The following GPHN variants were observed in gnomAD, a reference collection of about 807,000 sequenced individuals.
The protein encoded by GPHN is gephyrin.
In GPHN, 17 loss-of-function variants were observed where a neutral mutation model predicts 95.5. The observed-to-expected ratio is 0.18, with a 90% CI of 0.12 to 0.27. GPHN has a LOEUF of 0.27. GPHN is among the 10% of genes least tolerant of loss of function. GPHN has a pLI of 1.00. For synonymous variants in GPHN, 320 were observed against 322.5 expected (o/e 0.99, Z 0.08); for missense variants, 660 against 978.1 (o/e 0.67, Z 4.34).
chr14:67,690,834 T>C, the GPHN span: 2 of 388,112 alleles, frequency 5.2e-6, no homozygotes, highest in Non-Finnish European at 4.7e-6. Flanking sequence ...AAAGAGCAGA[T>C]GACCTATACC....
At position 67,168,993 on chromosome 14, in the gene GPHN, T is replaced by C; in HGVS notation, c.2036T>C (p.Met679Thr). The C allele has an allele frequency of 6.2e-7, 1 of 1,613,804 alleles. No individual in the cohort carries two copies. Among genetic ancestry groups the C allele is most frequent in the Non-Finnish European group, 8.5e-7 (1 of 1,179,746 alleles). ...TTTGTTGTGCCTGCACTGAGGAAAA[T>C]GCAGGGCATCTTGGATCCTCGGCCA... is the stretch of plus-strand genomic sequence containing the variant. ...NLFVVPALRK[M>T]QGILDPRPTI... Residue 679 changes from methionine (M) to threonine (T), a missense_variant, in exon 21 of 23, where the codon ATG becomes ACG. Met to Thr is a moderately conservative substitution (Grantham distance 81). This residue lies in a region of GPHN where 48 missense variants were observed against 137.4 expected (regional missense o/e 0.35). Transcript: ENST00000478722.
chr14:66,923,915 TTTTATGAAACCAATTG>T (rs2066346446), intron 7 of GPHN, among the ~76,000 whole-genome samples: 1 of 152,080 alleles, frequency 6.6e-6, no homozygotes, highest in Non-Finnish European at 1.5e-5. Flanking sequence ...GTGATTTTTT[TTTTATGAAACCAATTG>T]GTGAAACAGG....
chr14:66,994,779 C>G (rs1377173285), intron 9 of GPHN, among the ~76,000 whole-genome samples: 1 of 152,154 alleles, frequency 6.6e-6, no homozygotes, highest in Non-Finnish European at 1.5e-5. Flanking sequence ...TGTGTAATTT[C>G]TGAACATGTA....
intron 18 of GPHN, among the ~76,000 whole-genome samples, chr14:67,144,577 A>G (rs528708526): frequency 1.1e-3 from 173 of 152,198 alleles, no homozygotes; most frequent in Non-Finnish European, 2.0e-3. Context: ...GACTAAACTG[A>G]AAAATTACAA....
intron 2 of GPHN, among the ~76,000 whole-genome samples, chr14:66,696,021 G>T (rs1329705088): frequency 6.6e-6 from 1 of 152,186 alleles, no homozygotes; most frequent in Non-Finnish European, 1.5e-5. Context: ...TGATAATGAT[G>T]TGTCAGTGGA....
intron 1 of GPHN, among the ~76,000 whole-genome samples, chr14:66,652,238 TA>T (rs2065077934): frequency 6.6e-6 from 1 of 152,118 alleles, no homozygotes; most frequent in African/African-American, 2.4e-5. Flanking sequence ...ATAAACAATA[TA>T]GACATTTGCA....
At chr14:67,160,552 T>C (rs992818534) in intron 19 of GPHN, among the ~76,000 whole-genome samples, 18 of 152,272 alleles carry the variant, frequency 1.2e-4, no homozygotes, top group Admixed American at 1.0e-3. Flanking sequence ...TATGGCCATA[T>C]CTTTAAGAAA....
At chr14:67,490,893 G>A in the GPHN span, among the ~76,000 whole-genome samples, 93 of 152,146 alleles carry the variant, frequency 6.1e-4, no homozygotes, top group Non-Finnish European at 1.1e-3. Flanking sequence ...TGGGGTGGGC[G>A]TGGAGGGGGG....
At chr14:66,805,357 A>G (rs1023674128) in intron 3 of GPHN, among the ~76,000 whole-genome samples, 6 of 152,114 alleles carry the variant, frequency 3.9e-5, no homozygotes, top group Admixed American at 3.3e-4. Context: ...TGGGGATACA[A>G]TCAAACCATA....
the GPHN span, among the ~76,000 whole-genome samples, chr14:67,670,209 C>A: frequency 1.3e-5 from 2 of 152,330 alleles, no homozygotes; most frequent in South Asian, 2.1e-4. Context: ...TAATGCCCTC[C>A]TTCTAAAAGA....
At chr14:67,459,173 C>T in the GPHN span, among the ~76,000 whole-genome samples, 489 of 152,284 alleles carry the variant, frequency 3.2e-3, 5 homozygotes, top group Non-Finnish European at 4.0e-3. Context: ...TAGGCATGAG[C>T]CACCACAGCC....
chr14:66,734,733 G>A (rs1015973656), intron 2 of GPHN, among the ~76,000 whole-genome samples: 3 of 152,114 alleles, frequency 2.0e-5, no homozygotes, highest in African/African-American at 7.2e-5. Context: ...AAACATTTAT[G>A]TAGTCTCCAT....
intron 3 of GPHN, among the ~76,000 whole-genome samples, chr14:66,780,522 CTT>C (rs775788664): frequency 7.0e-6 from 1 of 143,078 alleles, no homozygotes. Flanking sequence ...AAGGAATCAG[CTT>C]TTTTTTTTTC....
At chr14:67,174,846 T>C (rs1431777206) in intron 21 of GPHN, among the ~76,000 whole-genome samples, 1 of 152,262 alleles carries the variant, frequency 6.6e-6, no homozygotes, top group Non-Finnish European at 1.5e-5. Flanking sequence ...GTGAGCATTT[T>C]TTCATATGTC....
chr14:67,249,861 C>T, the GPHN span, among the ~76,000 whole-genome samples: 1 of 152,170 alleles, frequency 6.6e-6, no homozygotes, highest in Non-Finnish European at 1.5e-5. Context: ...TTTAAGACTG[C>T]ATTCGTTTAA....
chr14:67,161,893 T>C (rs1038594203), intron 19 of GPHN, among the ~76,000 whole-genome samples: 1 of 152,246 alleles, frequency 6.6e-6, no homozygotes, highest in Non-Finnish European at 1.5e-5. Context: ...TTATACTCTT[T>C]TTTTCAATCT....
At chr14:67,627,254 G>T in the GPHN span, among the ~76,000 whole-genome samples, 2 of 46,788 alleles carry the variant, frequency 4.3e-5, no homozygotes, top group East Asian at 9.0e-4. Context: ...GATCAGTAAG[G>T]AGATATATAT....
At chr14:66,605,094 T>A (rs2062455424) in intron 1 of GPHN, among the ~76,000 whole-genome samples, 1 of 152,166 alleles carries the variant, frequency 6.6e-6, no homozygotes, top group South Asian at 2.1e-4. Flanking sequence ...CTTTATCGAC[T>A]CTACCATCGA....
chr14:66,527,984 G>A (rs1282015806), intron 1 of GPHN, among the ~76,000 whole-genome samples: 2 of 152,098 alleles, frequency 1.3e-5, no homozygotes, highest in Admixed American at 6.6e-5. Flanking sequence ...TATTAGGTCT[G>A]CTTGGTCCAG....
Sources: allele counts gnomAD v4.1 joint callset (sites outside exome capture counted in the v4.1 genomes callset), GRCh38; gene constraint gnomAD v4.1.1; regional missense constraint gnomAD v4.1.1; transcripts MANE v1.5; gene names NCBI Gene and HGNC (gene_info 2026-07-23, HGNC 2026-07-21).